LEMD2: variants seen among roughly 807,000 people sequenced by gnomAD.
LEMD2 encodes the protein LEM domain nuclear envelope protein 2, also known as LEM domain-containing protein 2.
In LEMD2, 34 loss-of-function variants were observed where a neutral mutation model predicts 58.8. The observed-to-expected ratio is 0.58, with a 90% CI of 0.44 to 0.77. The LOEUF (loss-of-function observed/expected upper bound fraction) is 0.77. LEMD2 is among the 30% of genes least tolerant of loss of function. The pLI, the probability that LEMD2 is intolerant of heterozygous loss-of-function variation, is 0.00. For synonymous variants in LEMD2, 298 were observed against 308.9 expected (o/e 0.96, Z 0.37); for missense variants, 629 against 717.9 (o/e 0.88, Z 1.42).
chr6:33,772,795 G>A lies in LEMD2; in HGVS notation c.1362-17C>T, dbSNP rs775331644. 14 of 1,610,290 alleles carry A rather than the reference G, an allele frequency of 8.7e-6. No individual in the cohort carries two copies. Among genetic ancestry groups the A allele is most frequent in the South Asian group, 6.6e-5 (6 of 90,490 alleles). ...ATGCGCCTCCTGCAATGAGAGGGAC[G>A]GGGCTCTGCCTGGCACTGCCGAGGT... On this transcript the variant is annotated splice_polypyrimidine_tract_variant and intron_variant, in intron 8 of 8. Transcript: ENST00000293760.
intron 4 of LEMD2, among the ~76,000 whole-genome samples, chr6:33,780,776 C>T (rs1767548398): frequency 6.6e-6 from 1 of 152,084 alleles, no homozygotes; most frequent in Admixed American, 6.5e-5. Context: ...TCCTGAAAGC[C>T]GAAGGCAAGA....
At chr6:33,781,332 C>T (rs542043795) in intron 3 of LEMD2, 179 bp from the exon 4 acceptor site, 10 of 594,850 alleles carry the variant, frequency 1.7e-5, no homozygotes, top group African/African-American at 1.1e-4. Context: ...TAGCTTGGAT[C>T]GATTCCAGAT....
chr6:33,780,040 G>C, intron 5 of LEMD2, 60 bp downstream of exon 5: 1 of 1,393,190 alleles, frequency 7.2e-7, no homozygotes, highest in South Asian at 1.2e-5. Context: ...GGTGTTAGCT[G>C]ACGAGCGAGG....
chr6:33,784,558 A>G, intron 2 of LEMD2, 131 bp from the exon 3 acceptor site: 2 of 655,434 alleles, frequency 3.1e-6, no homozygotes, highest in South Asian at 1.8e-5. Context: ...TACAAAATAG[A>G]AAAAAATTCT....
At chr6:33,776,845 C>T in intron 8 of LEMD2, 109 bp downstream of exon 8, 1 of 857,000 alleles carries the variant, frequency 1.2e-6, no homozygotes. Context: ...CTGGGGTCTG[C>T]ACTGCCCTCA....
chr6:33,772,884 A>G (rs1767337024), intron 8 of LEMD2, 106 bp from the exon 9 acceptor site: 1 of 1,067,400 alleles, frequency 9.4e-7, no homozygotes, highest in Admixed American at 2.7e-5. Context: ...CATGGAATTT[A>G]TGTAAGAGAG....
rs1166220935 is a variant in LEMD2, at chr6:33,781,169, C to A, written c.854-16G>T. 4 of 1,322,868 alleles carry A rather than the reference C, an allele frequency of 3.0e-6. No individual in the cohort carries two copies. The highest frequency in any genetic ancestry group is 4.3e-6 in the Non-Finnish European group (4 of 920,716). The allele number at this position is 1,322,868 out of a possible 1,614,324, so 81.9% of individuals were successfully genotyped here. ...TCAAAATTACCTAGGAGAAAAAAAA[C>A]CACACATGCTCAAACACAAAGGAAA... On this transcript the variant is annotated splice_polypyrimidine_tract_variant and intron_variant, in intron 3 of 8. Transcript: ENST00000293760.
chr6:33,776,873 G>A (rs1767441562), intron 8 of LEMD2, 81 bp downstream of exon 8: 1 of 1,144,928 alleles, frequency 8.7e-7, no homozygotes, highest in Non-Finnish European at 1.3e-6. Context: ...TCTGATGCAA[G>A]GCTCTGGGTT....
At chr6:33,788,114 A>G (rs1044542217) in intron 1 of LEMD2, among the ~76,000 whole-genome samples, 6 of 152,234 alleles carry the variant, frequency 3.9e-5, no homozygotes, top group African/African-American at 1.4e-4. Context: ...AGCAGTGACT[A>G]CAGCTTGTGA....
Position 33,786,704 on chromosome 6 carries a change from A to AT in LEMD2, c.777+29dup, listed in dbSNP as rs764801513. The AT allele has an allele frequency of 5.1e-6, 8 of 1,575,958 alleles. No homozygotes were observed. In the South Asian group the frequency reaches 8.9e-5, roughly 18 times the overall value. ...ATGGAGGCTAATATCCTCAGGAAGA[A>AT]TAATAAAAACCAGAGAAACTCAAAC... On this transcript the variant is annotated intron_variant, in intron 2 of 8. Transcript: ENST00000293760.
chr6:33,780,087 T>C lies in LEMD2; in HGVS notation c.1010+13A>G. On this transcript the variant is annotated intron_variant, in intron 5 of 8. Transcript: ENST00000293760. The stretch of plus-strand genomic sequence containing the variant: ...AGGCACCCATGCTGCGTCGCCACCC[T>C]GCCCACACTCACCAGATGCCCACGT... 3 of 1,578,848 alleles carry C rather than the reference T, an allele frequency of 1.9e-6. No individual in the cohort carries two copies. Among genetic ancestry groups the C allele is most frequent in the Non-Finnish European group, 2.6e-6 (3 of 1,160,502 alleles).
intron 8 of LEMD2, among the ~76,000 whole-genome samples, chr6:33,775,317 CT>C (rs1360324018): frequency 3.3e-5 from 5 of 151,922 alleles, no homozygotes; most frequent in Admixed American, 3.3e-4. Flanking sequence ...TAAGATGGAC[CT>C]TTTTTTTATT....
Position 33,778,395 on chromosome 6 carries a change from A to C in LEMD2, c.1011-8T>G. 6.5e-7 allele frequency: 1 copy of C among 1,535,506 alleles called. No homozygotes were observed. The highest frequency in any genetic ancestry group is 8.8e-7 in the Non-Finnish European group (1 of 1,136,348). Reference sequence around the variant, plus strand: ...TGGTCTTCTCCTTTCAACCTGAAACAGGACACAGGGCTCTGAACATGTTGG... The same window carrying C: ...TGGTCTTCTCCTTTCAACCTGAAACCGGACACAGGGCTCTGAACATGTTGG... On this transcript the variant is annotated splice_polypyrimidine_tract_variant and splice_region_variant and intron_variant, in intron 5 of 8. Coordinates refer to ENST00000293760, the MANE Select transcript of LEMD2 (RefSeq NM_181336.4). The surrounding 1 kb of genome is among the most constrained non-coding windows in gnomAD (Gnocchi z 4.7).
At chr6:33,781,388 G>T in intron 3 of LEMD2, 1 of 519,896 alleles carries the variant, frequency 1.9e-6, no homozygotes, top group South Asian at 2.9e-5. Context: ...TGCATTAAAT[G>T]ACTAAAAAGC....
intron 6 of LEMD2, among the ~76,000 whole-genome samples, chr6:33,777,905 C>G (rs1767473668): frequency 6.6e-6 from 1 of 152,216 alleles, no homozygotes; most frequent in South Asian, 2.1e-4. Flanking sequence ...GTGCCTCCTG[C>G]TCGAAGCTGG....
At chr6:33,780,229 T>C in intron 4 of LEMD2, 50 bp from the exon 5 acceptor site, 6 of 1,442,616 alleles carry the variant, frequency 4.2e-6, no homozygotes, top group Non-Finnish European at 5.7e-6. Context: ...GCGGAGCAGC[T>C]GGAACATTAT....
chr6:33,777,064 A>C lies in LEMD2; in HGVS notation c.1259-8T>G, dbSNP rs759849590. The C allele has an allele frequency of 6.2e-7, 1 of 1,613,514 alleles. No homozygotes were observed. The highest frequency in any genetic ancestry group is 2.2e-5 in the East Asian group (1 of 44,862). On this transcript the variant is annotated splice_polypyrimidine_tract_variant and splice_region_variant and intron_variant, in intron 7 of 8. Transcript: ENST00000293760. ...AATGGTCCTGGACCACGTCTGCAGGAGAGAGCACACCATTTAGGGCAAGGA... is the reference window on the plus strand; with the variant it reads ...AATGGTCCTGGACCACGTCTGCAGGCGAGAGCACACCATTTAGGGCAAGGA...
rs1470485311 is a variant in LEMD2 at position 33,771,776 on chromosome 6, C to G, written c.*852G>C. 1.3e-5 allele frequency: 2 copies of G among 152,244 alleles called. No individual in the cohort carries two copies. Among genetic ancestry groups the G allele is most frequent in the South Asian group, 2.1e-4 (1 of 4,836 alleles). 9.4% of individuals were successfully genotyped at this position (152,244 alleles called of 1,614,324 possible). On this transcript the variant is annotated 3_prime_UTR_variant, in exon 9 of 9. Transcript: ENST00000293760. Reference sequence around the variant, plus strand: ...CGCTGAAGTTCTTGTTAAACAGCCCCGCGTCGGGGCTGTGGTCACAGTAAA... The same window carrying G: ...CGCTGAAGTTCTTGTTAAACAGCCCGGCGTCGGGGCTGTGGTCACAGTAAA...
intron 2 of LEMD2, among the ~76,000 whole-genome samples, chr6:33,785,896 G>A (rs2395402): frequency 0.48 from 73,129 of 152,148 alleles, 18,970 homozygotes; most frequent in East Asian, 0.82. Flanking sequence ...AATAAAAGCC[G>A]TTATCTGCAC....
Sources: allele counts gnomAD v4.1 joint callset (sites outside exome capture counted in the v4.1 genomes callset), GRCh38; gene constraint gnomAD v4.1.1; non-coding constraint Gnocchi (gnomAD v3.1); transcripts MANE v1.5; gene names NCBI Gene and HGNC (gene_info 2026-07-23, HGNC 2026-07-21).